The following USP25 variants were observed in gnomAD, a reference collection of about 807,000 sequenced individuals.
The protein encoded by USP25 is ubiquitin specific peptidase 25.
Under a neutral mutation model 158.5 loss-of-function variants are expected in USP25, and 85 were observed. That is an observed-to-expected ratio of 0.54 (90% CI 0.45 to 0.64). USP25 has a LOEUF of 0.64. Ranked by LOEUF, USP25 falls within the 30% of genes least tolerant of loss-of-function variation. The pLI is 0.00. For synonymous variants in USP25, 464 were observed against 460.4 expected, an observed-to-expected ratio of 1.01 and a Z score of -0.10; for missense variants, 1,242 against 1,327.3, an observed-to-expected ratio of 0.94 and a Z score of 1.00.
At chr21:15,776,378 C>G (rs1478257103) in intron 3 of USP25, among the ~76,000 whole-genome samples, 1 of 151,780 alleles carries the variant, frequency 6.6e-6, no homozygotes, top group Non-Finnish European at 1.5e-5. Flanking sequence ...ATCAGGTATT[C>G]TTTCTCATAT....
intron 9 of USP25, among the ~76,000 whole-genome samples, chr21:15,817,929 A>G (rs1050652292): frequency 1.1e-4 from 16 of 152,044 alleles, no homozygotes; most frequent in Non-Finnish European, 1.6e-4. Context: ...TGGGGAAAAA[A>G]ATTCTTAATA....
chr21:15,760,031 G>T (rs1280347917), intron 1 of USP25, among the ~76,000 whole-genome samples: 2 of 152,192 alleles, frequency 1.3e-5, no homozygotes, highest in African/African-American at 4.8e-5. Context: ...TTTTATGGAA[G>T]TGAAATTCTT....
chr21:15,773,699 A>G (rs1441266873), intron 3 of USP25, among the ~76,000 whole-genome samples: 2 of 152,334 alleles, frequency 1.3e-5, no homozygotes, highest in East Asian at 3.9e-4. Flanking sequence ...CTTTACACTC[A>G]TAAAAATTAT....
intron 4 of USP25, among the ~76,000 whole-genome samples, chr21:15,790,186 G>A (rs1417294662): frequency 6.6e-6 from 1 of 151,958 alleles, no homozygotes; most frequent in African/African-American, 2.4e-5. Context: ...ATGTCTTTTC[G>A]TGAAACAAGC....
chr21:15,817,574 G>A (rs931334824), intron 9 of USP25, among the ~76,000 whole-genome samples: 6 of 152,142 alleles, frequency 3.9e-5, no homozygotes, highest in African/African-American at 1.2e-4. Flanking sequence ...AAAAGAAAGA[G>A]GTTTAATGGA....
At chr21:15,801,562 G>C (rs1308162907) in intron 6 of USP25, among the ~76,000 whole-genome samples, 2 of 151,498 alleles carry the variant, frequency 1.3e-5, no homozygotes, top group Non-Finnish European at 3.0e-5. Context: ...GAAGCAAATG[G>C]ATTTATAGAT....
intron 1 of USP25, among the ~76,000 whole-genome samples, chr21:15,734,477 T>C (rs1280522045): frequency 1.3e-5 from 2 of 152,198 alleles, no homozygotes; most frequent in Non-Finnish European, 2.9e-5. Flanking sequence ...CAGCTGTTTA[T>C]TCCTTTTCTT....
chr21:15,809,118 C>A (rs1052116408), intron 8 of USP25, among the ~76,000 whole-genome samples: 9 of 152,086 alleles, frequency 5.9e-5, no homozygotes, highest in African/African-American at 2.2e-4. Flanking sequence ...TTCTTAGATT[C>A]AATAATCACT....
intron 17 of USP25, 141 bp from the exon 18 acceptor site, chr21:15,842,257 G>C: frequency 1.2e-6 from 1 of 819,784 alleles, no homozygotes; most frequent in Non-Finnish European, 1.8e-6. Flanking sequence ...AGTGCTATAC[G>C]TGGAAAGATA....
chr21:15,757,153 A>G (rs2033432157), intron 1 of USP25, among the ~76,000 whole-genome samples: 1 of 152,222 alleles, frequency 6.6e-6, no homozygotes, highest in South Asian at 2.1e-4. Context: ...AGGGTTTCAA[A>G]TACAGGAAAA....
intron 18 of USP25, among the ~76,000 whole-genome samples, chr21:15,845,002 G>A (rs2038512020): frequency 6.6e-6 from 1 of 151,932 alleles, no homozygotes; most frequent in African/African-American, 2.4e-5. Flanking sequence ...TTATAAATAG[G>A]CTGCTAGAAA....
chr21:15,767,127 C>A (rs2034084420), intron 3 of USP25, among the ~76,000 whole-genome samples: 1 of 152,016 alleles, frequency 6.6e-6, no homozygotes, highest in Admixed American at 6.6e-5. Flanking sequence ...CGTCTAAGTT[C>A]AAGGCAAGCT....
chr21:15,833,438 G>A lies in USP25; in HGVS notation c.2084G>A (p.Arg695Gln), dbSNP rs769585815. 5 of 1,613,978 alleles carry A rather than the reference G, an allele frequency of 3.1e-6. No homozygotes were observed. Among genetic ancestry groups the A allele is most frequent in the Admixed American group, 1.7e-5 (1 of 60,004 alleles). Residue 695 changes from arginine (R) to glutamine (Q), a missense_variant, in exon 17 of 26, where the codon CGA becomes CAA. Transcript: ENST00000400183. ...GATTTTGTTGAGGAAGACAACCAAC[G>A]ATTTGAAAAAGAACTAGAAGAATGG... is the stretch of plus-strand genomic sequence containing the variant. Reference protein sequence around the residue: ...LRDFVEEDNQRFEKELEEWDA... With the variant: ...LRDFVEEDNQQFEKELEEWDA...
At chr21:15,817,767 G>C (rs1165640021) in intron 9 of USP25, among the ~76,000 whole-genome samples, 2 of 150,758 alleles carry the variant, frequency 1.3e-5, no homozygotes, top group East Asian at 3.9e-4. Flanking sequence ...CCACGAGAAC[G>C]GTATGGGGGA....
chr21:15,830,441 C>G lies in USP25; in HGVS notation c.1694-90C>G, dbSNP rs1043271981. On this transcript the variant is annotated intron_variant, in intron 14 of 25. Transcript: ENST00000400183. Reference sequence around the variant, plus strand: ...GTTTTAGGAAAATTTTCCTATTCCTCTAACATGTTTGTAGGAAAAACATTA... The same window carrying G: ...GTTTTAGGAAAATTTTCCTATTCCTGTAACATGTTTGTAGGAAAAACATTA... 3 of 1,138,734 alleles carry G rather than the reference C, an allele frequency of 2.6e-6. No individual in the cohort carries two copies. In the East Asian group the frequency reaches 7.9e-5, roughly 30 times the overall value. 70.5% of individuals were successfully genotyped at this position (1,138,734 alleles called of 1,614,324 possible). A position where few individuals can be genotyped will look rare whatever the true frequency, so the allele number is the denominator to read the frequency against.
rs533572516 is a variant in USP25, at chr21:15,826,309, C to T, written c.1410C>T (p.Asp470=). The T allele has an allele frequency of 1.2e-5, 19 of 1,614,004 alleles. No homozygotes were observed. Among genetic ancestry groups the T allele is most frequent in the African/African-American group, 5.3e-5 (4 of 75,036 alleles). The change falls in exon 13 of 26, where the codon GAC becomes GAT. Residue 470 remains aspartate, a synonymous_variant. Transcript: ENST00000400183. This position sits in a 1 kb window ranked among gnomAD's most constrained non-coding sequence, Gnocchi z 4.8. The part of the protein sequence containing the change: ...SSKPVCTSPV[D]DIDASSPPSG... Reference sequence around the variant, plus strand: ...AACCTGTTTGCACTTCTCCTGTTGACGATATTGACGCTAGTTCCCCACCTA... The same window carrying T: ...AACCTGTTTGCACTTCTCCTGTTGATGATATTGACGCTAGTTCCCCACCTA...
At chr21:15,802,088 A>G (rs985387876) in intron 6 of USP25, among the ~76,000 whole-genome samples, 17 of 151,726 alleles carry the variant, frequency 1.1e-4, no homozygotes, top group Admixed American at 7.2e-4. Flanking sequence ...ATGGCAAAGC[A>G]TATTAAATGT....
chr21:15,817,071 G>A (rs931737939), intron 9 of USP25, among the ~76,000 whole-genome samples: 6 of 151,838 alleles, frequency 4.0e-5, no homozygotes, highest in Non-Finnish European at 5.9e-5. Flanking sequence ...GGCGGAGTTT[G>A]CAGTGAGCCG....
At chr21:15,844,487 G>A (rs2038486571) in intron 18 of USP25, among the ~76,000 whole-genome samples, 1 of 152,086 alleles carries the variant, frequency 6.6e-6, no homozygotes, top group Non-Finnish European at 1.5e-5. Flanking sequence ...AGTAGGCACT[G>A]AGTAACTGTT....
Sources: allele counts gnomAD v4.1 joint callset (sites outside exome capture counted in the v4.1 genomes callset), GRCh38; gene constraint gnomAD v4.1.1; non-coding constraint Gnocchi (gnomAD v3.1); transcripts MANE v1.5; gene names NCBI Gene and HGNC (gene_info 2026-07-23, HGNC 2026-07-21).